The following TRPS1 variants were observed in gnomAD, a reference collection of about 807,000 sequenced individuals.
TRPS1 encodes the protein transcriptional repressor GATA binding 1, also known as zinc finger transcription factor Trps1.
Under a neutral mutation model 101.2 loss-of-function variants are expected in TRPS1, and 6 were observed. That is an observed-to-expected ratio of 0.06 (90% CI 0.03 to 0.12). The LOEUF is 0.12. TRPS1 is among the 10% of genes least tolerant of loss of function. TRPS1 has a pLI of 1.00. For synonymous variants in TRPS1, 578 were observed against 589.8 expected (o/e 0.98, Z 0.29); for missense variants, 1,363 against 1,567.0 (o/e 0.87, Z 2.20).
chr8:115,478,894 T>C (rs544293007), intron 5 of TRPS1, among the ~76,000 whole-genome samples: 1 of 148,630 alleles, frequency 6.7e-6, no homozygotes, highest in Non-Finnish European at 1.5e-5. Flanking sequence ...TATGTATGTG[T>C]ATATATGTAT....
intron 6 of TRPS1, among the ~76,000 whole-genome samples, chr8:115,416,503 A>C (rs950216004): frequency 1.1e-4 from 17 of 148,974 alleles, no homozygotes; most frequent in African/African-American, 4.1e-4. Context: ...TTATGTGTAT[A>C]TAATGTATAA....
intron 5 of TRPS1, among the ~76,000 whole-genome samples, chr8:115,461,673 A>G (rs1814182886): frequency 6.6e-6 from 1 of 152,168 alleles, no homozygotes. Context: ...TTGGTTTCTA[A>G]AGGCCTTTTA....
At chr8:115,429,269 G>A (rs1470841367) in intron 5 of TRPS1, among the ~76,000 whole-genome samples, 4 of 152,058 alleles carry the variant, frequency 2.6e-5, no homozygotes, top group Non-Finnish European at 4.4e-5. Flanking sequence ...CTGTAAAAAC[G>A]AACACATACC....
In TRPS1 at chr8:115,619,753, A is replaced by G. The variant is rs1227265377; in HGVS notation, c.345T>C (p.His115=). 2 of 1,614,100 alleles carry G rather than the reference A, an allele frequency of 1.2e-6. No individual in the cohort carries two copies. The highest frequency in any genetic ancestry group is 3.3e-5 in the Admixed American group (2 of 60,002). ...SKGGNFPSFP[H]DEVTDRNMLA... The stretch of plus-strand genomic sequence containing the variant: ...ACATATTTCTGTCTGTCACCTCATC[A>G]TGCGGAAAGGAGGGAAAGTTTCCTC... The change falls in exon 3 of 7, where the codon CAT becomes CAC. Residue 115 remains histidine (H), a synonymous_variant. Transcript: ENST00000395715.
Position 115,604,874 on chromosome 8 carries a change from T to C in TRPS1, c.1095A>G (p.Gln365=), listed in dbSNP as rs1237528874. The C allele has an allele frequency of 6.2e-7, 1 of 1,614,020 alleles. No homozygotes were observed. Among genetic ancestry groups the C allele is most frequent in the Middle Eastern group, 1.6e-4 (1 of 6,062 alleles). Residue 365 remains glutamine (Q), a synonymous_variant, in exon 4 of 7, where the codon CAA becomes CAG. Transcript: ENST00000395715. This position sits in a 1 kb window ranked among gnomAD's most constrained non-coding sequence, Gnocchi z 4.1. ...TGTTTGGGTGAGTCTGAAGAAAATG[T>C]TGTTCTAATTCGGTGGATGAGTTGC... ...YMGNSSTELE[Q]HFLQTHPNKI...
At chr8:115,656,035 C>T (rs1295870181) in intron 1 of TRPS1, among the ~76,000 whole-genome samples, 1 of 152,100 alleles carries the variant, frequency 6.6e-6, no homozygotes, top group Non-Finnish European at 1.5e-5. Flanking sequence ...CTACTAGCAA[C>T]GGAAATAATG....
At chr8:115,515,983 G>C (rs1356823346) in intron 5 of TRPS1, among the ~76,000 whole-genome samples, 2 of 151,170 alleles carry the variant, frequency 1.3e-5, no homozygotes, top group East Asian at 1.9e-4. Flanking sequence ...AAATAAGCTT[G>C]GCAATTATCC....
chr8:115,472,418 G>A (rs1279870676), intron 5 of TRPS1, among the ~76,000 whole-genome samples: 4 of 152,178 alleles, frequency 2.6e-5, no homozygotes, highest in Non-Finnish European at 5.9e-5. Context: ...GCAAGGCCCT[G>A]GGTCCAGCCC....
In TRPS1 at chr8:115,604,331, G is replaced by T. The variant is rs1023034046; in HGVS notation, c.1638C>A (p.Ser546=). The change falls in exon 4 of 7, where the codon TCC becomes TCA. Residue 546 remains serine, a synonymous_variant. Coordinates refer to ENST00000395715, the MANE Select transcript of TRPS1 (RefSeq NM_014112.5). The surrounding 1 kb of genome is among the most constrained non-coding windows in gnomAD (Gnocchi z 4.1). Reference sequence around the variant, plus strand: ...CAATTACATCAGGGCCATGGCTTTTGGAATATCGGAAGTCACAGAACTGAC... The same window carrying T: ...CAATTACATCAGGGCCATGGCTTTTTGAATATCGGAAGTCACAGAACTGAC... ...YNCQFCDFRY[S]KSHGPDVIVV... 6.2e-7 allele frequency: 1 copy of T among 1,614,020 alleles called. No individual in the cohort carries two copies. The highest frequency in any genetic ancestry group is 8.5e-7 in the Non-Finnish European group (1 of 1,179,982).
chr8:115,426,471 C>T (rs1813188597), intron 5 of TRPS1, among the ~76,000 whole-genome samples: 1 of 152,068 alleles, frequency 6.6e-6, no homozygotes, highest in Non-Finnish European at 1.5e-5. Context: ...TCATGTATTA[C>T]ACCTTTTTAG....
At chr8:115,659,947 C>T (rs1811756089) in intron 1 of TRPS1, among the ~76,000 whole-genome samples, 1 of 151,964 alleles carries the variant, frequency 6.6e-6, no homozygotes, top group Admixed American at 6.6e-5. Flanking sequence ...AATGTAAAAA[C>T]ATTCTAAGCA....
intron 5 of TRPS1, among the ~76,000 whole-genome samples, chr8:115,434,683 A>G (rs964083869): frequency 1.3e-4 from 20 of 152,198 alleles, no homozygotes; most frequent in African/African-American, 4.6e-4. Flanking sequence ...GGTCCTAGCC[A>G]TAAACATTGG....
intron 4 of TRPS1, among the ~76,000 whole-genome samples, chr8:115,599,062 C>A (rs916750469): frequency 3.3e-5 from 5 of 152,172 alleles, no homozygotes; most frequent in African/African-American, 1.2e-4. Flanking sequence ...ATTACCTACT[C>A]TCTATTCTGT....
At chr8:115,618,367 G>T (rs1227929382) in intron 3 of TRPS1, among the ~76,000 whole-genome samples, 1 of 151,946 alleles carries the variant, frequency 6.6e-6, no homozygotes, top group African/African-American at 2.4e-5. Context: ...TATTCAAAAT[G>T]GTAACAGTTT....
intron 1 of TRPS1, among the ~76,000 whole-genome samples, chr8:115,647,628 T>C (rs1811445506): frequency 6.6e-6 from 1 of 152,162 alleles, no homozygotes; most frequent in Non-Finnish European, 1.5e-5. Context: ...TGTAAGTAAA[T>C]ATACTTCAAA....
chr8:115,582,898 T>C (rs977528321), intron 5 of TRPS1, among the ~76,000 whole-genome samples: 2 of 152,220 alleles, frequency 1.3e-5, no homozygotes, highest in Non-Finnish European at 2.9e-5. Flanking sequence ...TGGAAGAACC[T>C]GAGCTACAAG....
chr8:115,647,157 T>C (rs1055188583), intron 1 of TRPS1, among the ~76,000 whole-genome samples: 1 of 152,130 alleles, frequency 6.6e-6, no homozygotes, highest in Non-Finnish European at 1.5e-5. Context: ...AATGAAGCAG[T>C]TGGATACAAA....
chr8:115,501,081 T>G (rs7837273), intron 5 of TRPS1, among the ~76,000 whole-genome samples: 152,242 of 152,242 alleles, frequency 1, 76,121 homozygotes, highest in Non-Finnish European at 1. Flanking sequence ...TCCTCCCTTG[T>G]TTTCAGTGGT....
intron 5 of TRPS1, among the ~76,000 whole-genome samples, chr8:115,514,983 AACCTAAG>A (rs1185422109): frequency 6.6e-6 from 1 of 151,642 alleles, no homozygotes; most frequent in Admixed American, 6.6e-5. Context: ...AGACTATTAC[AACCTAAG>A]ACTAGAAAGG....
Sources: allele counts gnomAD v4.1 joint callset (sites outside exome capture counted in the v4.1 genomes callset), GRCh38; gene constraint gnomAD v4.1.1; non-coding constraint Gnocchi (gnomAD v3.1); transcripts MANE v1.5; gene names NCBI Gene and HGNC (gene_info 2026-07-23, HGNC 2026-07-21).